The following MAGEC3 variants were observed in gnomAD, a reference collection of about 807,000 sequenced individuals.
MAGEC3 encodes MAGE family member C3, also known as melanoma-associated antigen C3.
MAGEC3 carries 34 observed loss-of-function variants against 35.3 expected under a neutral mutation model. That is an observed-to-expected ratio of 0.96 (90% CI 0.73 to 1.28). The LOEUF (loss-of-function observed/expected upper bound fraction) is 1.28, where lower values mean the gene tolerates loss of function less well. Ranked by LOEUF, MAGEC3 falls within the 50% of genes most tolerant of loss-of-function variation. The pLI is 0.00. For synonymous variants in MAGEC3, 202 were observed against 185.6 expected (o/e 1.09, Z -0.72); for missense variants, 561 against 483.6 (o/e 1.16, Z -1.50).
At chrX:141,845,050 A>G (rs1457856935) in intron 1 of MAGEC3, among the ~76,000 whole-genome samples, 1 of 111,051 alleles carries the variant, frequency 9.0e-6, no homozygotes. Flanking sequence ...TTTGAGTAAT[A>G]TAAAAAGGTA....
At chrX:141,863,057 A>G (rs2017825347) in intron 1 of MAGEC3, among the ~76,000 whole-genome samples, 1 of 112,110 alleles carries the variant, frequency 8.9e-6, no homozygotes. Context: ...CATGTACCCC[A>G]TAAATAAGTA....
At chrX:141,894,928 G>A (rs1266839459) in intron 4 of MAGEC3, 9 of 733,687 alleles carry the variant, frequency 1.2e-5, no homozygotes, top group Non-Finnish European at 1.6e-5. Context: ...AGGGGTGGGA[G>A]GAAGTTGGGA....
In MAGEC3 at chrX:141,896,911, C is replaced by T; in HGVS notation, c.1153C>T (p.Pro385Ser). The T allele has an allele frequency of 2.5e-6, 3 of 1,181,851 alleles. No homozygotes were observed. The highest frequency in any genetic ancestry group is 3.4e-6 in the Non-Finnish European group (3 of 880,424). Residue 385 changes from proline (P) to serine (S), a missense_variant, in exon 7 of 8, where the codon CCA becomes TCA. Physicochemically the swap from Pro to Ser is moderately conservative, Grantham distance 74. Coordinates refer to ENST00000298296, the MANE Select transcript of MAGEC3 (RefSeq NM_138702.1). ...TGAGGATATGCCTGCTGCTGGGATGCCACCTCTTCCCCAGAGTCCTCCTGA... is the reference window on the plus strand; with the variant it reads ...TGAGGATATGCCTGCTGCTGGGATGTCACCTCTTCCCCAGAGTCCTCCTGA... Reference protein sequence around the residue: ...EDEDMPAAGMPPLPQSPPEIP... With the variant: ...EDEDMPAAGMSPLPQSPPEIP...
chrX:141,882,715 G>C (rs1471762672), intron 4 of MAGEC3, among the ~76,000 whole-genome samples: 1 of 112,116 alleles, frequency 8.9e-6, no homozygotes, highest in African/African-American at 3.2e-5. Context: ...GCATTTGCTT[G>C]CGGAGGGGAC....
rs190795412 is a variant in MAGEC3, at chrX:141,888,901, C to A, written c.910-6368C>A. Among the ~76,000 whole-genome samples, 22 of 112,418 alleles carry A rather than the reference C, an allele frequency of 2.0e-4. No individual in the cohort carries two copies. The East Asian group carries it at 5.1e-3, about 26-fold the overall frequency. On this transcript the variant is annotated intron_variant, in intron 4 of 7. Transcript: ENST00000298296. ...TGGACCTCTTCCATCATGGAAAGGG[C>A]AGCAGTTTGTCTTCACTGGAACAGA...
intron 1 of MAGEC3, among the ~76,000 whole-genome samples, chrX:141,861,646 C>T (rs2017815770): frequency 1.8e-5 from 2 of 111,609 alleles, no homozygotes; most frequent in African/African-American, 6.5e-5. Context: ...ATCTGATCTT[C>T]AACAAAGCCA....
chrX:141,867,535 CA>C, intron 2 of MAGEC3, among the ~76,000 whole-genome samples: 1 of 111,980 alleles, frequency 8.9e-6, no homozygotes, highest in East Asian at 2.8e-4. Context: ...ACAAAACAAA[CA>C]AACGAAAAGA....
At chrX:141,894,904 G>A (rs1483504795) in intron 4 of MAGEC3, 1 of 747,750 alleles carries the variant, frequency 1.3e-6, no homozygotes, top group South Asian at 2.9e-5. Context: ...GAGGGGGCAG[G>A]TTGGTAGGCC....
intron 4 of MAGEC3, among the ~76,000 whole-genome samples, chrX:141,893,224 G>A (rs2018056008): frequency 8.9e-6 from 1 of 112,001 alleles, no homozygotes; most frequent in Non-Finnish European, 1.9e-5. Context: ...AGCAACAGGA[G>A]CTTTCAGTCA....
At chrX:141,864,316 C>CAAAA (rs3972654) in intron 1 of MAGEC3, among the ~76,000 whole-genome samples, 953 of 32,268 alleles carry the variant, frequency 0.03, 12 homozygotes, top group Middle Eastern at 0.065. Context: ...CTCATCTCTA[C>CAAAA]AAAAAAAAAA....
At chrX:141,842,341 C>T (rs2017691070) in intron 1 of MAGEC3, among the ~76,000 whole-genome samples, 2 of 111,611 alleles carry the variant, frequency 1.8e-5, no homozygotes, top group South Asian at 7.4e-4. Flanking sequence ...TTATAACAGA[C>T]TGTAGTAGCA....
chrX:141,886,201 A>T (rs59860076), intron 4 of MAGEC3, among the ~76,000 whole-genome samples: 13,007 of 110,237 alleles, frequency 0.12, 1,248 homozygotes, highest in African/African-American at 0.31. Flanking sequence ...AGTGAAATTG[A>T]TAGGAAGCCT....
Position 141,881,424 on chromosome X carries a change from G to A in MAGEC3, c.537G>A (p.Leu179=). 8.3e-7 allele frequency: 1 copy of A among 1,204,041 alleles called. No individual in the cohort carries two copies. The highest frequency in any genetic ancestry group is 1.7e-5 in the African/African-American group (1 of 57,368). ...KAGSLPESEP[L]FTYTLDEKVD... Reference sequence around the variant, plus strand: ...ACAGCTTGCCAGAGAGCGAGCCCTTGTTCACTTATACACTGGATGAAAAGG... The same window carrying A: ...ACAGCTTGCCAGAGAGCGAGCCCTTATTCACTTATACACTGGATGAAAAGG... Residue 179 remains leucine (L), a synonymous_variant, in exon 4 of 8, where the codon TTG becomes TTA. Coordinates refer to ENST00000298296, the MANE Select transcript of MAGEC3 (RefSeq NM_138702.1).
chrX:141,889,939 A>G (rs983082094), intron 4 of MAGEC3, among the ~76,000 whole-genome samples: 1 of 112,612 alleles, frequency 8.9e-6, no homozygotes, highest in Admixed American at 9.4e-5. Context: ...AGTTAAAAAC[A>G]TGTTTGTGCG....
rs1246852784 is a variant in MAGEC3 at position 141,881,693 on chromosome X, G to A, written c.806G>A (p.Gly269Asp). The change falls in exon 4 of 8, where the codon GGC (glycine) becomes GAC (aspartate). Residue 269 changes from glycine (G) to aspartate (D), a missense_variant. Coordinates refer to ENST00000298296, the MANE Select transcript of MAGEC3 (RefSeq NM_138702.1). The part of the protein sequence containing the change: ...TCEGSLSDEQ[G>D]MPQNRLLILI... The stretch of plus-strand genomic sequence containing the variant: ...GAGGGGAGTCTGAGTGATGAGCAGG[G>A]CATGCCCCAGAACCGCCTCCTGATT... The A allele has an allele frequency of 8.3e-7, 1 of 1,209,584 alleles. No individual in the cohort carries two copies. Among genetic ancestry groups the A allele is most frequent in the Non-Finnish European group, 1.1e-6 (1 of 895,122 alleles).
intron 2 of MAGEC3, among the ~76,000 whole-genome samples, chrX:141,878,489 T>G (rs2017934542): frequency 8.9e-6 from 1 of 112,674 alleles, no homozygotes; most frequent in Non-Finnish European, 1.9e-5. Flanking sequence ...ATCCACAGAA[T>G]CCAGCTCCAC....
intron 2 of MAGEC3, among the ~76,000 whole-genome samples, chrX:141,871,102 C>A (rs1308775933): frequency 8.9e-6 from 1 of 111,786 alleles, no homozygotes; most frequent in Non-Finnish European, 1.9e-5. Flanking sequence ...TTAATTAAAG[C>A]TTTTTTTAAA....
At position 141,865,729 on chromosome X, in the gene MAGEC3, T is replaced by C. The variant is rs138049159; in HGVS notation, c.258+124T>C. ...CAGGTTTCCCCAGTTTTGATGTCCG[T>C]AGACTTCATTTTTGGGGCCTGAGGG... On this transcript the variant is annotated intron_variant, in intron 2 of 7. Transcript: ENST00000298296. 5,815 of 764,053 alleles carry C rather than the reference T, an allele frequency of 7.6e-3. 218 individuals are homozygous for C. In the African/African-American group the frequency reaches 0.11, roughly 14 times the overall value. The allele number at this position is 764,053 out of a possible 1,213,427, so 63.0% of individuals were successfully genotyped here. A position where few individuals can be genotyped will look rare whatever the true frequency, so the allele number is the denominator to read the frequency against.
chrX:141,896,578 T>C, intron 6 of MAGEC3: 1 of 1,188,912 alleles, frequency 8.4e-7, no homozygotes, highest in South Asian at 1.9e-5. Flanking sequence ...GTCACTGTCT[T>C]CCTCAGGCCT....
Sources: gnomAD v4.1 joint callset for allele counts (sites outside exome capture counted in the v4.1 genomes callset) on GRCh38, gnomAD v4.1.1 for gene constraint, MANE v1.5 for transcripts, NCBI Gene and HGNC (gene_info 2026-07-23, HGNC 2026-07-21) for gene names.